EDIL3: variants seen among roughly 807,000 people sequenced by gnomAD.
The protein encoded by EDIL3 is EGF like and discoidin domains 3, also known as EGF-like repeat and discoidin I-like domain-containing protein 3.
A neutral mutation model predicts 67.4 loss-of-function variants in EDIL3; 37 were observed. The ratio of observed to expected loss-of-function variants is 0.55; its 90% CI spans 0.42 to 0.72. The LOEUF is 0.72. Ranked by LOEUF, EDIL3 falls within the 30% of genes least tolerant of loss-of-function variation. EDIL3 has a pLI of 0.00. For missense variants in EDIL3, 527 were observed against 586.3 expected (o/e 0.90, Z 1.04); for synonymous variants, 195 against 196.3 (o/e 0.99, Z 0.05).
Position 84,204,013 on chromosome 5 carries a change from G to A in EDIL3, c.227-23492C>T, listed in dbSNP as rs192997665. ...TTTGATTTACCTGTTTGTCCAACAG[G>A]GGTCTCCGCTTTTGTTGTTTTGTAC... is the stretch of plus-strand genomic sequence containing the variant. On this transcript the variant is annotated intron_variant, in intron 3 of 10. Transcript: ENST00000296591. Among the ~76,000 whole-genome samples, 436 of 152,164 alleles carry A rather than the reference G, an allele frequency of 2.9e-3. 3 individuals carry two copies. The highest frequency in any genetic ancestry group is 4.0e-3 in the Non-Finnish European group (272 of 67,980).
chr5:83,990,879 C>CAATAAATAAATA (rs200045595), intron 9 of EDIL3, among the ~76,000 whole-genome samples: 5 of 140,314 alleles, frequency 3.6e-5, no homozygotes, highest in Non-Finnish European at 6.1e-5. Flanking sequence ...GACTCTGTCT[C>CAATAAATAAATA]AATAAATAAA....
intron 1 of EDIL3, among the ~76,000 whole-genome samples, chr5:84,266,815 T>C (rs566358605): frequency 1.3e-5 from 2 of 152,292 alleles, no homozygotes; most frequent in Non-Finnish European, 2.9e-5. Context: ...CCAAATTTCA[T>C]ATACCCTTGG....
At chr5:84,276,203 T>C (rs186803199) in intron 1 of EDIL3, among the ~76,000 whole-genome samples, 2 of 152,304 alleles carry the variant, frequency 1.3e-5, no homozygotes, top group Admixed American at 6.5e-5. Flanking sequence ...CATTTGTATG[T>C]AGAACTTCAG....
chr5:84,050,111 TGGTG>T (rs1209427393), intron 9 of EDIL3, among the ~76,000 whole-genome samples: 1 of 140,250 alleles, frequency 7.1e-6, no homozygotes, highest in Non-Finnish European at 1.5e-5. Context: ...GGCAGGAGAA[TGGTG>T]TGAACCCGGG....
chr5:84,097,638 A>G (rs1001380226), intron 6 of EDIL3, among the ~76,000 whole-genome samples: 3 of 152,168 alleles, frequency 2.0e-5, no homozygotes, highest in Admixed American at 6.6e-5. Context: ...TAGTGGATAG[A>G]GTGTAGAGTA....
intron 9 of EDIL3, among the ~76,000 whole-genome samples, chr5:83,992,941 T>A (rs572690779): frequency 6.6e-6 from 1 of 152,044 alleles, no homozygotes; most frequent in Non-Finnish European, 1.5e-5. Context: ...GAAGCTACAA[T>A]GTTTTAAATT....
Position 84,268,976 on chromosome 5 carries a change from A to G in EDIL3, c.68-14764T>C, listed in dbSNP as rs1381298274. On this transcript the variant is annotated intron_variant, in intron 1 of 10. Transcript: ENST00000296591. The stretch of plus-strand genomic sequence containing the variant: ...ATCAATTATTTTCATTTTAATAAAA[A>G]ATAAAGACATATCTTCCTGAAAAAG... 2.0e-5 allele frequency among the ~76,000 whole-genome samples: 3 copies of G among 152,298 alleles called. No individual in the cohort carries two copies. The East Asian group carries it at 5.8e-4, about 29-fold the overall frequency.
At chr5:84,167,992 A>G (rs1222428680) in intron 4 of EDIL3, among the ~76,000 whole-genome samples, 1 of 152,224 alleles carries the variant, frequency 6.6e-6, no homozygotes, top group Non-Finnish European at 1.5e-5. Context: ...AATTTAAGAT[A>G]TATCATATAA....
At chr5:83,998,461 T>C (rs1745271590) in intron 9 of EDIL3, among the ~76,000 whole-genome samples, 1 of 152,104 alleles carries the variant, frequency 6.6e-6, no homozygotes, top group South Asian at 2.1e-4. Context: ...GCCATGGGCA[T>C]TGGGTGATAC....
intron 5 of EDIL3, among the ~76,000 whole-genome samples, chr5:84,120,354 G>T (rs1747754462): frequency 6.6e-6 from 1 of 151,996 alleles, no homozygotes; most frequent in Non-Finnish European, 1.5e-5. Context: ...TCCTTCTCCA[G>T]TCATCAACCT....
intron 1 of EDIL3, among the ~76,000 whole-genome samples, chr5:84,329,590 T>C (rs546290795): frequency 1.1e-4 from 16 of 152,264 alleles, no homozygotes; most frequent in Non-Finnish European, 1.8e-4. Flanking sequence ...GTGTATACTG[T>C]TTATCTCTGT....
intron 5 of EDIL3, among the ~76,000 whole-genome samples, chr5:84,124,684 G>T (rs531310391): frequency 7.1e-6 from 1 of 140,914 alleles, no homozygotes; most frequent in African/African-American, 2.5e-5. Context: ...TGCTACCCAA[G>T]GAACAAAAAA....
Position 84,303,832 on chromosome 5 carries a change from GTGTGTGTGTGTGTGTGTT to G in EDIL3, c.68-49638_68-49621del, listed in dbSNP as rs1411295511. ...TCTGTGTGTGTGTGTGTGTGTGTGT[GTGTGTGTGTGTGTGTGTT>G]TGTGTGTGTGTGTGTGTGCATGCAT... is the stretch of plus-strand genomic sequence containing the variant. On this transcript the variant is annotated intron_variant, in intron 1 of 10. Coordinates refer to ENST00000296591, the MANE Select transcript of EDIL3 (RefSeq NM_005711.5). 1.1e-4 allele frequency among the ~76,000 whole-genome samples: 16 copies of G among 146,774 alleles called. No homozygotes were observed. The East Asian group carries it at 2.8e-3, about 25-fold the overall frequency.
At chr5:84,073,374 G>A (rs1746782786) in intron 6 of EDIL3, among the ~76,000 whole-genome samples, 1 of 152,160 alleles carries the variant, frequency 6.6e-6, no homozygotes, top group South Asian at 2.1e-4. Flanking sequence ...AGGAAATAAA[G>A]TGTATTCAAT....
chr5:84,315,749 A>G (rs1746499772), intron 1 of EDIL3, among the ~76,000 whole-genome samples: 1 of 152,134 alleles, frequency 6.6e-6, no homozygotes, highest in South Asian at 2.1e-4. Context: ...AAATTCAGGA[A>G]ATACAGAGAA....
chr5:84,069,935 G>C (rs1462627397), intron 6 of EDIL3, among the ~76,000 whole-genome samples: 1 of 152,070 alleles, frequency 6.6e-6, no homozygotes, highest in Non-Finnish European at 1.5e-5. Context: ...CAGGTGGCTG[G>C]ATGTGGAGAG....
At chr5:84,070,507 G>A (rs1746719056) in intron 6 of EDIL3, among the ~76,000 whole-genome samples, 1 of 151,960 alleles carries the variant, frequency 6.6e-6, no homozygotes, top group South Asian at 2.1e-4. Flanking sequence ...GGGGGACAAG[G>A]GAACTTTTCC....
At chr5:84,066,192 CAA>C (rs1372876231) in intron 7 of EDIL3, among the ~76,000 whole-genome samples, 1 of 150,112 alleles carries the variant, frequency 6.7e-6, no homozygotes, top group Non-Finnish European at 1.5e-5. Flanking sequence ...AATTGTCATA[CAA>C]AAGACTGTGT....
chr5:83,956,804 GC>G (rs1447026303), intron 10 of EDIL3, among the ~76,000 whole-genome samples: 2 of 151,608 alleles, frequency 1.3e-5, no homozygotes, highest in African/African-American at 4.8e-5. Context: ...ATTACACATT[GC>G]ATGCCTGTAT....
Sources: allele counts gnomAD v4.1 joint callset (sites outside exome capture counted in the v4.1 genomes callset), GRCh38; gene constraint gnomAD v4.1.1; transcripts MANE v1.5; gene names NCBI Gene and HGNC (gene_info 2026-07-23, HGNC 2026-07-21).